The following GRID2 variants were observed in gnomAD, a reference collection of about 807,000 sequenced individuals.
The protein encoded by GRID2 is glutamate ionotropic receptor delta type subunit 2.
GRID2 carries 33 observed loss-of-function variants against 114.8 expected under a neutral mutation model. The observed-to-expected ratio is 0.29, with a 90% confidence interval of 0.22 to 0.38. The LOEUF is 0.38. GRID2 is among the 10% of genes least tolerant of loss of function. The probability of loss-of-function intolerance (pLI) is 1.00; values close to 1 mark genes in which losing one functional copy is unlikely to be tolerated. For missense variants in GRID2, 1,184 were observed against 1,257.7 expected (o/e 0.94, Z 0.89); for synonymous variants, 505 against 449.9 (o/e 1.12, Z -1.55).
At chr4:93,669,589 G>A (rs1724229947) in intron 14 of GRID2, among the ~76,000 whole-genome samples, 1 of 152,052 alleles carries the variant, frequency 6.6e-6, no homozygotes. Flanking sequence ...TGAACTATCT[G>A]AATTTCAATT....
intron 2 of GRID2, among the ~76,000 whole-genome samples, chr4:93,055,104 A>G (rs1400189588): frequency 1.3e-5 from 2 of 151,912 alleles, no homozygotes; most frequent in Non-Finnish European, 2.9e-5. Flanking sequence ...GAGTTTTAAT[A>G]TATACTTTAA....
At chr4:93,799,278 A>G (rs1734870190) in intron 1 of GRID2, among the ~76,000 whole-genome samples, 2 of 152,200 alleles carry the variant, frequency 1.3e-5, no homozygotes, top group Non-Finnish European at 2.9e-5. Context: ...CAGTCAACAC[A>G]TCTTTACTGA....
chr4:93,741,174 C>CATATATATATATATATATATAT (rs376106965), intron 14 of GRID2, among the ~76,000 whole-genome samples: 13 of 41,224 alleles, frequency 3.2e-4, no homozygotes, highest in African/African-American at 5.0e-4. Context: ...TATATATATA[C>CATATATATATATATATATATAT]ATATATATAT....
chr4:92,980,784 A>G (rs1052479064), intron 2 of GRID2, among the ~76,000 whole-genome samples: 8 of 152,146 alleles, frequency 5.3e-5, no homozygotes, highest in African/African-American at 1.7e-4. Flanking sequence ...CTCATTTCAA[A>G]CATAGCATAA....
At chr4:92,997,427 G>C (rs773206715) in intron 2 of GRID2, among the ~76,000 whole-genome samples, 1 of 152,152 alleles carries the variant, frequency 6.6e-6, no homozygotes, top group African/African-American at 2.4e-5. Flanking sequence ...TAAGATCAGA[G>C]ACCCTAGTGC....
At chr4:93,116,798 G>A (rs1302056192) in intron 4 of GRID2, among the ~76,000 whole-genome samples, 1 of 151,722 alleles carries the variant, frequency 6.6e-6, no homozygotes, top group East Asian at 1.9e-4. Flanking sequence ...GATAAGCTGT[G>A]TAGAGGCAAG....
At chr4:92,581,678 T>A (rs2149203143) in intron 1 of GRID2, among the ~76,000 whole-genome samples, 1 of 152,268 alleles carries the variant, frequency 6.6e-6, no homozygotes, top group South Asian at 2.1e-4. Context: ...TGGAGAAATC[T>A]CTGGAGACAG....
chr4:92,900,107 A>G (rs916262378), intron 2 of GRID2, among the ~76,000 whole-genome samples: 3 of 152,280 alleles, frequency 2.0e-5, no homozygotes, highest in Admixed American at 6.5e-5. Flanking sequence ...GTAGGAATAC[A>G]ATATGAAAGG....
At chr4:92,410,825 C>G (rs1183543865) in intron 1 of GRID2, among the ~76,000 whole-genome samples, 2 of 145,052 alleles carry the variant, frequency 1.4e-5, no homozygotes, top group Non-Finnish European at 3.0e-5. Context: ...CTAAGTAGGT[C>G]TGCAAAAGCA....
At chr4:92,884,012 A>G (rs981203114) in intron 2 of GRID2, among the ~76,000 whole-genome samples, 4 of 152,166 alleles carry the variant, frequency 2.6e-5, no homozygotes, top group African/African-American at 9.7e-5. Context: ...TTTAGCTATG[A>G]AAGTCCTAGA....
intron 1 of GRID2, among the ~76,000 whole-genome samples, chr4:92,445,936 A>T (rs1733437521): frequency 6.6e-6 from 1 of 151,990 alleles, no homozygotes; most frequent in Non-Finnish European, 1.5e-5. Flanking sequence ...TAAAACTCTT[A>T]TCTCATATTT....
chr4:92,781,797 CATTA>C (rs1739091570), intron 2 of GRID2, among the ~76,000 whole-genome samples: 1 of 151,906 alleles, frequency 6.6e-6, no homozygotes, highest in South Asian at 2.1e-4. Flanking sequence ...GCTACAAGGT[CATTA>C]ATCAAAATTA....
chr4:93,466,529 G>A (rs1322524562), intron 11 of GRID2, among the ~76,000 whole-genome samples: 11 of 152,142 alleles, frequency 7.2e-5, no homozygotes, highest in Admixed American at 7.2e-4. Context: ...AGATTAGGGG[G>A]CAGTTTATGC....
chr4:93,374,829 A>C (rs1261657612), intron 8 of GRID2, among the ~76,000 whole-genome samples: 1 of 152,062 alleles, frequency 6.6e-6, no homozygotes, highest in African/African-American at 2.4e-5. Flanking sequence ...AAAGTGTGTA[A>C]ATTTTGCACG....
chr4:92,737,726 A>G (rs886136758), intron 2 of GRID2, among the ~76,000 whole-genome samples: 6 of 152,174 alleles, frequency 3.9e-5, no homozygotes, highest in African/African-American at 1.2e-4. Flanking sequence ...TTACAGATCT[A>G]TAAGATCTTC....
intron 14 of GRID2, among the ~76,000 whole-genome samples, chr4:93,752,332 G>A (rs993717125): frequency 2.6e-5 from 4 of 151,570 alleles, no homozygotes; most frequent in African/African-American, 9.7e-5. Context: ...TTTCACCCAC[G>A]TTTTCCTAAC....
At chr4:92,823,587 T>G (rs1741449846) in intron 2 of GRID2, among the ~76,000 whole-genome samples, 1 of 151,690 alleles carries the variant, frequency 6.6e-6, no homozygotes, top group Non-Finnish European at 1.5e-5. Flanking sequence ...TTTATATTTA[T>G]TAGAAACAAT....
intron 2 of GRID2, among the ~76,000 whole-genome samples, chr4:92,962,866 C>A (rs1008448636): frequency 7.9e-5 from 12 of 151,894 alleles, no homozygotes; most frequent in Non-Finnish European, 4.4e-5. Flanking sequence ...GGTTTCTGGT[C>A]CAGTAAGTTG....
intron 2 of GRID2, among the ~76,000 whole-genome samples, chr4:92,927,977 A>G (rs1255075955): frequency 6.6e-6 from 1 of 151,714 alleles, no homozygotes; most frequent in Non-Finnish European, 1.5e-5. Context: ...TTGGTGCTCA[A>G]AATGTTTCAA....
Sources: allele counts gnomAD v4.1 joint callset (sites outside exome capture counted in the v4.1 genomes callset), GRCh38; gene constraint gnomAD v4.1.1; transcripts MANE v1.5; gene names NCBI Gene and HGNC (gene_info 2026-07-23, HGNC 2026-07-21).